The following LRRTM4 variants were observed in gnomAD, a reference collection of about 807,000 sequenced individuals.
LRRTM4 encodes leucine rich repeat transmembrane neuronal 4.
LRRTM4 carries 25 observed loss-of-function variants against 47.6 expected under a neutral mutation model. The observed-to-expected ratio is 0.53, with a 90% confidence interval of 0.38 to 0.73. The LOEUF (loss-of-function observed/expected upper bound fraction) is 0.73, where lower values mean the gene tolerates loss of function less well. Among genes scored for constraint, LRRTM4 ranks in the 30% least tolerant of loss-of-function variants. LRRTM4 has a pLI of 0.00. For missense variants in LRRTM4, 638 were observed against 713.4 expected, an observed-to-expected ratio of 0.89 and a Z score of 1.20; for synonymous variants, 311 against 269.5, an observed-to-expected ratio of 1.15 and a Z score of -1.51.
chr2:76,947,732 T>C (rs1411980875), intron 3 of LRRTM4, among the ~76,000 whole-genome samples: 1 of 151,894 alleles, frequency 6.6e-6, no homozygotes. Context: ...CAGCTGTTCA[T>C]TAGAAAGGAA....
intron 3 of LRRTM4, among the ~76,000 whole-genome samples, chr2:76,815,450 G>A (rs1670871593): frequency 1.3e-5 from 2 of 152,088 alleles, no homozygotes; most frequent in South Asian, 4.1e-4. Flanking sequence ...AAGTATGGCT[G>A]ATATCAGCTG....
At chr2:76,991,132 A>G (rs1022498023) in intron 3 of LRRTM4, among the ~76,000 whole-genome samples, 2 of 151,808 alleles carry the variant, frequency 1.3e-5, no homozygotes, top group Admixed American at 1.3e-4. Flanking sequence ...AATCCCTGGG[A>G]TGCAACATAG....
Position 76,748,812 on chromosome 2 carries a change from T to C in LRRTM4, c.1656A>G (p.Thr552=), listed in dbSNP as rs750261431. Residue 552 remains threonine (T), a synonymous_variant, in exon 4 of 4, where the codon ACA becomes ACG. Coordinates refer to ENST00000409884, the MANE Select transcript of LRRTM4 (RefSeq NM_001134745.3). ...QPLHVTKGYE[T]VSPEQDESPG... ...GGCTTTCGTCCTGCTCTGGAGACAC[T>C]GTCTCATAGCCCTTGGTGACATGGA... 6.2e-7 allele frequency: 1 copy of C among 1,614,022 alleles called. No homozygotes were observed. Among genetic ancestry groups the C allele is most frequent in the East Asian group, 2.2e-5 (1 of 44,878 alleles).
At chr2:76,889,751 T>A (rs1673190627) in intron 3 of LRRTM4, among the ~76,000 whole-genome samples, 1 of 151,918 alleles carries the variant, frequency 6.6e-6, no homozygotes, top group African/African-American at 2.4e-5. Flanking sequence ...AAAATTTTAC[T>A]TGCTTTTCTC....
intron 3 of LRRTM4, among the ~76,000 whole-genome samples, chr2:76,815,197 AG>A: frequency 6.6e-6 from 1 of 152,276 alleles, no homozygotes; most frequent in South Asian, 2.1e-4. Context: ...TCACACAAAA[AG>A]ATTATAGCTG....
intron 3 of LRRTM4, among the ~76,000 whole-genome samples, chr2:76,954,503 A>G (rs1244128120): frequency 7.2e-6 from 1 of 138,906 alleles, no homozygotes; most frequent in Non-Finnish European, 1.6e-5. Flanking sequence ...CCTGAGAAAT[A>G]AAAAGAAAAA....
intron 3 of LRRTM4, among the ~76,000 whole-genome samples, chr2:76,955,561 C>A (rs919929290): frequency 6.6e-6 from 1 of 151,716 alleles, no homozygotes; most frequent in African/African-American, 2.4e-5. Flanking sequence ...TACAAGACAG[C>A]GATATGAACT....
intron 3 of LRRTM4, among the ~76,000 whole-genome samples, chr2:76,975,340 G>T (rs987152067): frequency 5.3e-5 from 8 of 151,650 alleles, no homozygotes; most frequent in Non-Finnish European, 1.2e-4. Flanking sequence ...GCTCACTATG[G>T]ATTTGAAAAC....
chr2:77,228,724 C>T (rs1674882815), intron 3 of LRRTM4, among the ~76,000 whole-genome samples: 1 of 152,196 alleles, frequency 6.6e-6, no homozygotes, highest in East Asian at 1.9e-4. Context: ...CTTATTGTGT[C>T]CTGTCCTTGT....
At chr2:76,975,866 C>G (rs1030767214) in intron 3 of LRRTM4, among the ~76,000 whole-genome samples, 2 of 151,690 alleles carry the variant, frequency 1.3e-5, no homozygotes, top group African/African-American at 4.8e-5. Flanking sequence ...AATTTAGAAA[C>G]AAGCAAATAA....
At chr2:77,265,021 C>T (rs568182765) in intron 3 of LRRTM4, among the ~76,000 whole-genome samples, 82 of 152,136 alleles carry the variant, frequency 5.4e-4, no homozygotes, top group Admixed American at 1.1e-3. Flanking sequence ...CAAGCAAAGT[C>T]ACAGTGAATG....
intron 3 of LRRTM4, among the ~76,000 whole-genome samples, chr2:76,869,232 C>T (rs1672554348): frequency 1.3e-5 from 2 of 151,846 alleles, no homozygotes; most frequent in Admixed American, 6.6e-5. Flanking sequence ...TCGCTTGAAC[C>T]CAGGAGGCAG....
chr2:76,793,167 G>T (rs1457992730), intron 3 of LRRTM4, among the ~76,000 whole-genome samples: 1 of 152,160 alleles, frequency 6.6e-6, no homozygotes, highest in African/African-American at 2.4e-5. Context: ...CTTGAATGAG[G>T]TGAATAGTGT....
At chr2:77,151,191 T>G (rs1672409579) in intron 3 of LRRTM4, among the ~76,000 whole-genome samples, 1 of 151,936 alleles carries the variant, frequency 6.6e-6, no homozygotes, top group South Asian at 2.1e-4. Context: ...TAACATGAGA[T>G]CTACCCTATT....
chr2:77,257,649 C>T (rs1268194653), intron 3 of LRRTM4, among the ~76,000 whole-genome samples: 2 of 151,424 alleles, frequency 1.3e-5, no homozygotes, highest in African/African-American at 4.9e-5. Flanking sequence ...AAGTTATAGA[C>T]CGAGAGAAAA....
At chr2:77,047,584 G>A (rs1382470238) in intron 3 of LRRTM4, among the ~76,000 whole-genome samples, 1 of 151,952 alleles carries the variant, frequency 6.6e-6, no homozygotes, top group African/African-American at 2.4e-5. Context: ...TTCACATGAT[G>A]TTCTCCCTGT....
At chr2:76,907,410 C>T (rs1006871351) in intron 3 of LRRTM4, among the ~76,000 whole-genome samples, 10 of 150,284 alleles carry the variant, frequency 6.7e-5, no homozygotes, top group Middle Eastern at 3.4e-3. Context: ...AAAATTGACA[C>T]CCTAACATCA....
intron 3 of LRRTM4, among the ~76,000 whole-genome samples, chr2:77,418,698 C>A (rs2103876424): frequency 6.6e-6 from 1 of 152,318 alleles, no homozygotes; most frequent in South Asian, 2.1e-4. Flanking sequence ...ATAGCAGGTG[C>A]ACTCCTGCCT....
intron 3 of LRRTM4, among the ~76,000 whole-genome samples, chr2:77,143,333 T>A (rs565739219): frequency 1.3e-5 from 2 of 152,186 alleles, no homozygotes; most frequent in Non-Finnish European, 2.9e-5. Context: ...AGTAGATCTT[T>A]ATAATCAAGG....
Sources: gnomAD v4.1 joint callset for allele counts (sites outside exome capture counted in the v4.1 genomes callset) on GRCh38, gnomAD v4.1.1 for gene constraint, MANE v1.5 for transcripts, NCBI Gene and HGNC (gene_info 2026-07-23, HGNC 2026-07-21) for gene names.